Variants in ANKRD11 observed in about 807,000 individuals in gnomAD.
ANKRD11 encodes ankyrin repeat domain 11.
ANKRD11 carries 17 observed loss-of-function variants against 195.7 expected under a neutral mutation model. The observed-to-expected ratio is 0.09, with a 90% CI of 0.06 to 0.13. The LOEUF is 0.13. Ranked by LOEUF, ANKRD11 falls within the 10% of genes least tolerant of loss-of-function variation. The pLI, the probability that ANKRD11 is intolerant of heterozygous loss-of-function variation, is 1.00. For missense variants in ANKRD11, 3,735 were observed against 3,566.1 expected (o/e 1.05, Z -1.21); for synonymous variants, 1,953 against 1,528.1 (o/e 1.28, Z -6.49).
chr16:89,305,145 G>A lies in ANKRD11; in HGVS notation c.226+61C>T. The A allele has an allele frequency of 1.9e-6, 3 of 1,593,534 alleles. No homozygotes were observed. In the Admixed American group the frequency reaches 5.1e-5, roughly 27 times the overall value. ...GAGGTGCGGGGGCCAGGGACGCCCT[G>A]CCTGGGCTGCTCCGGGCTGCCTGTG... On this transcript the variant is annotated intron_variant, in intron 4 of 12. Transcript: ENST00000301030.
chr16:89,323,244 AG>A (rs2037448089), intron 2 of ANKRD11: 1 of 1,225,796 alleles, frequency 8.2e-7, no homozygotes, highest in African/African-American at 1.6e-5. Context: ...AAAGGAGAAA[AG>A]GAAAAAGAGC....
intron 6 of ANKRD11, among the ~76,000 whole-genome samples, chr16:89,289,992 T>C (rs550966234): frequency 3.3e-5 from 5 of 152,366 alleles, no homozygotes; most frequent in South Asian, 2.1e-4. Flanking sequence ...ATCACGCCAC[T>C]GCACTCCAGC....
chr16:89,458,953 C>T (rs1224805491), intron 1 of ANKRD11: 1 of 152,364 alleles, frequency 6.6e-6, no homozygotes, highest in African/African-American at 2.4e-5. Flanking sequence ...TGGTCACATA[C>T]ACCTGTCTTC....
At chr16:89,287,326 A>C in intron 7 of ANKRD11, 1 of 339,036 alleles carries the variant, frequency 2.9e-6, no homozygotes, top group South Asian at 2.4e-5. Context: ...TGGGCCTGCA[A>C]GATGACCTAG....
At chr16:89,352,492 C>T (rs1326833173) in intron 2 of ANKRD11, among the ~76,000 whole-genome samples, 3 of 152,100 alleles carry the variant, frequency 2.0e-5, no homozygotes, top group Admixed American at 1.3e-4. Flanking sequence ...CTTCAAGGCT[C>T]ACACCCTTCA....
chr16:89,444,395 C>T (rs565757423), intron 1 of ANKRD11, among the ~76,000 whole-genome samples: 7 of 151,606 alleles, frequency 4.6e-5, no homozygotes, highest in Admixed American at 1.3e-4. Context: ...AGAGCAGGTG[C>T]GTACTAAACA....
chr16:89,441,767 C>CAAAAAAAAAAAAAAAAA (rs57747159), intron 1 of ANKRD11, among the ~76,000 whole-genome samples: 5 of 52,372 alleles, frequency 9.5e-5, no homozygotes, highest in Non-Finnish European at 1.3e-4. Context: ...ACTCCGCCTA[C>CAAAAAAAAAAAAAAAAA]AAAAAAAAAA....
Position 89,459,866 on chromosome 16 carries a change from G to A in ANKRD11, c.-145+30379C>T, listed in dbSNP as rs527582088. The stretch of plus-strand genomic sequence containing the variant: ...GAGGATCGCTTGAGCCCAGGAAGTC[G>A]AGATTGCAGTGAGCCAATTTCGTGT... On this transcript the variant is annotated intron_variant, in intron 1 of 12. Transcript: ENST00000301030. Among the ~76,000 whole-genome samples, 190 of 151,642 alleles carry A rather than the reference G, an allele frequency of 1.3e-3. 1 individual carries two copies. The highest frequency in any genetic ancestry group is 4.4e-3 in the African/African-American group (181 of 41,324).
In ANKRD11 at chr16:89,274,928, C is replaced by G. The variant is rs983273950; in HGVS notation, c.7599G>C (p.Glu2533Asp). ...REKLIVSCEQ[E>D]ILRVHCRAAR... is the part of the protein sequence containing the mutation. ...CCGCCCGGCAGTGAACCCGCAGAATCTCCTGCTCACAGGATACGATCAGCT... is the reference window on the plus strand; with the variant it reads ...CCGCCCGGCAGTGAACCCGCAGAATGTCCTGCTCACAGGATACGATCAGCT... Residue 2533 changes from glutamate (E) to aspartate (D), a missense_variant, in exon 11 of 13, where the codon GAG becomes GAC. Physicochemically the swap from Glu to Asp is conservative, Grantham distance 45. Transcript: ENST00000301030. The G allele has an allele frequency of 6.2e-7, 1 of 1,613,498 alleles. No homozygotes were observed.
At chr16:89,352,712 C>T (rs1292142803) in intron 2 of ANKRD11, among the ~76,000 whole-genome samples, 1 of 152,226 alleles carries the variant, frequency 6.6e-6, no homozygotes. Context: ...TTATTGAAGC[C>T]TCAGCTGGGT....
intron 2 of ANKRD11, among the ~76,000 whole-genome samples, chr16:89,395,518 G>C (rs1333703118): frequency 6.6e-6 from 1 of 152,216 alleles, no homozygotes; most frequent in African/African-American, 2.4e-5. Flanking sequence ...CCACCCGAAC[G>C]GGGAACCGAA....
At chr16:89,292,130 C>A (rs537994718) in intron 4 of ANKRD11, among the ~76,000 whole-genome samples, 13 of 152,130 alleles carry the variant, frequency 8.5e-5, no homozygotes, top group Admixed American at 1.3e-4. Context: ...AGAGGTGCAG[C>A]GCAGAGGCAA....
intron 2 of ANKRD11, among the ~76,000 whole-genome samples, chr16:89,335,546 G>A (rs973722265): frequency 5.3e-5 from 8 of 152,228 alleles, no homozygotes; most frequent in Non-Finnish European, 1.2e-4. Context: ...AAGCCTGTGC[G>A]TGCTGCCTCA....
intron 2 of ANKRD11, among the ~76,000 whole-genome samples, chr16:89,399,211 G>T (rs1317007147): frequency 6.6e-6 from 1 of 152,138 alleles, no homozygotes; most frequent in African/African-American, 2.4e-5. Context: ...ACCGAGTTCA[G>T]GGGCCAGTGG....
intron 2 of ANKRD11, among the ~76,000 whole-genome samples, chr16:89,384,377 A>G (rs558719752): frequency 3.3e-5 from 5 of 152,298 alleles, no homozygotes; most frequent in Admixed American, 2.0e-4. Context: ...TGAAAAATAC[A>G]AAAATTAGCT....
chr16:89,449,356 C>T (rs778347166), intron 1 of ANKRD11, among the ~76,000 whole-genome samples: 3 of 151,918 alleles, frequency 2.0e-5, no homozygotes, highest in Non-Finnish European at 4.4e-5. Flanking sequence ...CAGAATGAGA[C>T]CCTGTCTCAG....
chr16:89,413,793 G>A (rs1308232464), intron 2 of ANKRD11, among the ~76,000 whole-genome samples: 1 of 152,116 alleles, frequency 6.6e-6, no homozygotes, highest in Non-Finnish European at 1.5e-5. Flanking sequence ...AGGGTGCCAG[G>A]GAGACTCTGC....
chr16:89,467,065 T>C (rs1356618149), intron 1 of ANKRD11, among the ~76,000 whole-genome samples: 1 of 152,224 alleles, frequency 6.6e-6, no homozygotes, highest in Non-Finnish European at 1.5e-5. Context: ...GCAGGAACTC[T>C]GTGCCAGGAG....
intron 2 of ANKRD11, among the ~76,000 whole-genome samples, chr16:89,373,706 C>T (rs1212204276): frequency 1.3e-5 from 2 of 152,208 alleles, no homozygotes; most frequent in Admixed American, 6.5e-5. Context: ...TGCAGAAACG[C>T]TGCAGACACA....
Sources: allele counts gnomAD v4.1 joint callset (sites outside exome capture counted in the v4.1 genomes callset), GRCh38; gene constraint gnomAD v4.1.1; transcripts MANE v1.5; gene names NCBI Gene and HGNC (gene_info 2026-07-23, HGNC 2026-07-21).